Variants in ODAD2 observed in about 807,000 individuals in gnomAD.
The protein encoded by ODAD2 is outer dynein arm-docking complex subunit 2.
A neutral mutation model predicts 106.8 loss-of-function variants in ODAD2; 89 were observed. That is an observed-to-expected ratio of 0.83 (90% CI 0.70 to 0.99). ODAD2 has a LOEUF of 0.99. Ranked by LOEUF, ODAD2 falls within the 50% of genes least tolerant of loss-of-function variation. The pLI is 0.00. For synonymous variants in ODAD2, 404 were observed against 436.2 expected, an observed-to-expected ratio of 0.93 and a Z score of 0.92; for missense variants, 1,168 against 1,238.5, an observed-to-expected ratio of 0.94 and a Z score of 0.85.
At chr10:27,813,543 A>AT (rs1379376654) in intron 19 of ODAD2, 1 of 152,212 alleles carries the variant, frequency 6.6e-6, no homozygotes, top group Admixed American at 6.5e-5. Flanking sequence ...CTGGTAAAAG[A>AT]TTTTTTAAAA....
chr10:27,930,868 A>G (rs1845568424), intron 16 of ODAD2, among the ~76,000 whole-genome samples: 1 of 152,190 alleles, frequency 6.6e-6, no homozygotes, highest in South Asian at 2.1e-4. Context: ...AATCTGGTTT[A>G]CTCTAAATCT....
At chr10:27,861,968 C>T (rs1840076416) in intron 18 of ODAD2, among the ~76,000 whole-genome samples, 1 of 152,192 alleles carries the variant, frequency 6.6e-6, no homozygotes, top group Non-Finnish European at 1.5e-5. Flanking sequence ...TCTCTCAAGG[C>T]TGCTTATTCT....
intron 17 of ODAD2, among the ~76,000 whole-genome samples, chr10:27,868,295 A>G (rs1278423070): frequency 6.6e-6 from 1 of 152,324 alleles, no homozygotes; most frequent in South Asian, 2.1e-4. Flanking sequence ...CTAGAACCAG[A>G]AATAAAATTT....
intron 2 of ODAD2, among the ~76,000 whole-genome samples, chr10:27,994,484 T>C (rs1026853171): frequency 6.6e-6 from 1 of 151,988 alleles, no homozygotes; most frequent in Admixed American, 6.6e-5. Flanking sequence ...AACCCTAGCA[T>C]TGTAGAAGGC....
intron 17 of ODAD2, among the ~76,000 whole-genome samples, chr10:27,877,303 A>G (rs545699306): frequency 6.6e-6 from 1 of 152,254 alleles, no homozygotes; most frequent in African/African-American, 2.4e-5. Flanking sequence ...CCATACTGGG[A>G]AAAATGACAA....
At chr10:27,978,561 G>A (rs1230991315) in intron 7 of ODAD2, among the ~76,000 whole-genome samples, 4 of 151,970 alleles carry the variant, frequency 2.6e-5, no homozygotes, top group Non-Finnish European at 2.9e-5. Flanking sequence ...GGGAGGCCGC[G>A]ACAGGTGGAT....
At chr10:27,895,874 C>T (rs1842824030) in intron 17 of ODAD2, among the ~76,000 whole-genome samples, 1 of 152,158 alleles carries the variant, frequency 6.6e-6, no homozygotes, top group Non-Finnish European at 1.5e-5. Context: ...TACCCTTCTG[C>T]CTTGGAAGAA....
In ODAD2 at chr10:27,981,510, A is replaced by C; in HGVS notation, c.892T>G (p.Leu298Val). The C allele has an allele frequency of 6.5e-7, 1 of 1,533,472 alleles. No homozygotes were observed. The highest frequency in any genetic ancestry group is 8.7e-7 in the Non-Finnish European group (1 of 1,152,508). The allele number at this position is 1,533,472 out of a possible 1,614,324, so 95.0% of individuals were successfully genotyped here. The change falls in exon 7 of 20, where the codon TTA becomes GTA. Residue 298 changes from leucine (L) to valine (V), a missense_variant. Transcript: ENST00000305242. ...GSIYKNLVTF[L>V]REKSPKFSEN... ...GAAAATTTTGGTGATTTTTCTCTTAAAAATGTGACAAGGTTTTTATAAATT... is the reference window on the plus strand; with the variant it reads ...GAAAATTTTGGTGATTTTTCTCTTACAAATGTGACAAGGTTTTTATAAATT...
At chr10:27,966,601 T>C (rs1280549769) in intron 9 of ODAD2, among the ~76,000 whole-genome samples, 1 of 152,184 alleles carries the variant, frequency 6.6e-6, no homozygotes, top group Non-Finnish European at 1.5e-5. Flanking sequence ...CAAATGTCAA[T>C]GCTGAATTGA....
chr10:27,890,130 T>C (rs1318565020), intron 17 of ODAD2, among the ~76,000 whole-genome samples: 1 of 152,160 alleles, frequency 6.6e-6, no homozygotes, highest in Non-Finnish European at 1.5e-5. Flanking sequence ...GAACCGAAGA[T>C]AGCAAAAGGC....
chr10:27,970,132 A>G (rs563141328), intron 8 of ODAD2, among the ~76,000 whole-genome samples: 1 of 150,844 alleles, frequency 6.6e-6, no homozygotes, highest in South Asian at 2.1e-4. Context: ...AAATAAATAA[A>G]TAAATAAATA....
At chr10:27,830,005 C>T (rs1837354423) in intron 19 of ODAD2, among the ~76,000 whole-genome samples, 2 of 151,980 alleles carry the variant, frequency 1.3e-5, no homozygotes, top group Admixed American at 1.3e-4. Context: ...TCTATGAAAT[C>T]CACATATATG....
Position 27,940,737 on chromosome 10 carries a change from G to C in ODAD2, c.1812C>G (p.Asp604Glu). The change falls in exon 13 of 20, where the codon GAC becomes GAG. Residue 604 changes from aspartate (D) to glutamate (E), a missense_variant. By Grantham distance (45) the Asp-to-Glu change is conservative. This residue lies in a region of ODAD2 where 701 missense variants were observed against 712.3 expected (regional missense o/e 0.98). Coordinates refer to ENST00000305242, the MANE Select transcript of ODAD2 (RefSeq NM_018076.5). ...GTGCCCCACAGCGAGCCACTTCCAC[G>C]TCTCTGGCCTCATACAGACTCGATT... is the stretch of plus-strand genomic sequence containing the variant. ...PAQSSLYEARDVEVARCGALA... is the reference protein window; with the variant it reads ...PAQSSLYEAREVEVARCGALA... 6.2e-7 allele frequency: 1 copy of C among 1,614,086 alleles called. No individual in the cohort carries two copies. The highest frequency in any genetic ancestry group is 1.1e-5 in the South Asian group (1 of 91,076).
intron 7 of ODAD2, among the ~76,000 whole-genome samples, chr10:27,972,139 A>T (rs1848904253): frequency 6.6e-6 from 1 of 152,192 alleles, no homozygotes; most frequent in Non-Finnish European, 1.5e-5. Context: ...ACAATAACAC[A>T]AAGTATAGGG....
chr10:27,827,087 T>C (rs892541046), intron 19 of ODAD2, among the ~76,000 whole-genome samples: 5 of 152,310 alleles, frequency 3.3e-5, no homozygotes, highest in Admixed American at 2.6e-4. Flanking sequence ...TTGGTCATGC[T>C]CTTGTGCTTA....
At chr10:27,893,406 G>A (rs963272592) in intron 17 of ODAD2, among the ~76,000 whole-genome samples, 8 of 152,118 alleles carry the variant, frequency 5.3e-5, no homozygotes, top group East Asian at 1.9e-4. Flanking sequence ...GTTTCATGAC[G>A]CCTGACAGAC....
intron 2 of ODAD2, among the ~76,000 whole-genome samples, chr10:27,993,315 T>G (rs760199310): frequency 6.6e-6 from 1 of 152,206 alleles, no homozygotes; most frequent in Non-Finnish European, 1.5e-5. Context: ...CTGGAGAAAG[T>G]TACCACTGGC....
At chr10:27,895,643 G>A (rs1842810959) in intron 17 of ODAD2, among the ~76,000 whole-genome samples, 1 of 152,160 alleles carries the variant, frequency 6.6e-6, no homozygotes, top group Non-Finnish European at 1.5e-5. Flanking sequence ...GGCCCTACTA[G>A]TCACATTCCA....
chr10:27,818,207 T>C (rs1052771848), intron 19 of ODAD2, among the ~76,000 whole-genome samples: 1 of 151,978 alleles, frequency 6.6e-6, no homozygotes, highest in African/African-American at 2.4e-5. Context: ...TTAAATTATT[T>C]CTTATATCAA....
Sources: gnomAD v4.1 joint callset for allele counts (sites outside exome capture counted in the v4.1 genomes callset) on GRCh38, gnomAD v4.1.1 for gene constraint, gnomAD v4.1.1 regional missense constraint, MANE v1.5 for transcripts, NCBI Gene and HGNC (gene_info 2026-07-23, HGNC 2026-07-21) for gene names.